PEX3: variants seen among roughly 807,000 people sequenced by gnomAD.
The protein encoded by PEX3 is peroxisomal biogenesis factor 3.
PEX3 carries 30 observed loss-of-function variants against 55.8 expected under a neutral mutation model. The observed-to-expected ratio is 0.54, with a 90% CI of 0.40 to 0.73. PEX3 has a LOEUF of 0.73. PEX3 is among the 30% of genes least tolerant of loss of function. The pLI is 0.00. For synonymous variants in PEX3, 135 were observed against 148.4 expected (o/e 0.91, Z 0.66); for missense variants, 351 against 432.8 (o/e 0.81, Z 1.68).
rs1381540653 is a variant in PEX3, at chr6:143,470,975, A to G, written c.346A>G (p.Thr116Ala). The change falls in exon 5 of 12, where the codon ACT becomes GCT. Residue 116 changes from threonine (T) to alanine (A), a missense_variant. By Grantham distance (58) the Thr-to-Ala change is moderately conservative. Transcript: ENST00000367591. ...DLKIISFTRS[T>A]VAVYSTCMLV... ...TCTCTGTGAAGGTTTCACAAGAAGT[A>G]CTGTGGCTGTATACAGTACCTGTAT... 1.9e-6 allele frequency: 3 copies of G among 1,612,826 alleles called. No individual in the cohort carries two copies. Among genetic ancestry groups the G allele is most frequent in the Admixed American group, 1.7e-5 (1 of 60,026 alleles).
Position 143,459,486 on chromosome 6 carries a change from T to G in PEX3, c.205+270T>G, listed in dbSNP as rs1449375218. ...CAAAAAGCCCCTGACCTTTGGAGTT[T>G]ATATTCTAGGGAGAGGAAAAGATGA... On this transcript the variant is annotated intron_variant, in intron 2 of 11. Coordinates refer to ENST00000367591, the MANE Select transcript of PEX3 (RefSeq NM_003630.3). The surrounding 1 kb of genome is among the most constrained non-coding windows in gnomAD (Gnocchi z 4.2). Among the ~76,000 whole-genome samples the G allele has an allele frequency of 6.6e-6, 1 of 152,206 alleles. No individual in the cohort carries two copies. The highest frequency in any genetic ancestry group is 2.4e-5 in the African/African-American group (1 of 41,450).
At chr6:143,473,784 A>AT (rs747037056) in intron 8 of PEX3, among the ~76,000 whole-genome samples, 1 of 151,974 alleles carries the variant, frequency 6.6e-6, no homozygotes, top group Non-Finnish European at 1.5e-5. Context: ...AGGAGGAAGG[A>AT]TTTTTTAAGC....
Position 143,454,058 on chromosome 6 carries a change from A to G in PEX3, c.73+2943A>G, listed in dbSNP as rs1271054323. On this transcript the variant is annotated intron_variant, in intron 1 of 11. Coordinates refer to ENST00000367591, the MANE Select transcript of PEX3 (RefSeq NM_003630.3). The surrounding 1 kb of genome is among the most constrained non-coding windows in gnomAD (Gnocchi z 4.3). ...TAAAATATTAATTCATTTTAAAATA[A>G]TAAACCTATTACATATTAACATACA... Among the ~76,000 whole-genome samples the G allele has an allele frequency of 6.6e-6, 1 of 152,232 alleles. No individual in the cohort carries two copies. Among genetic ancestry groups the G allele is most frequent in the East Asian group, 1.9e-4 (1 of 5,206 alleles).
At chr6:143,468,050 T>G in intron 3 of PEX3, 72 bp from the exon 4 acceptor site, 1 of 816,982 alleles carries the variant, frequency 1.2e-6, no homozygotes, top group Non-Finnish European at 2.0e-6. Flanking sequence ...TAAAAATAGA[T>G]CTATAAAATT....
chr6:143,464,712 G>A lies in PEX3; in HGVS notation c.287+1715G>A, dbSNP rs1779970896. Among the ~76,000 whole-genome samples the A allele has an allele frequency of 6.6e-6, 1 of 151,632 alleles. No homozygotes were observed. The highest frequency in any genetic ancestry group is 2.4e-5 in the African/African-American group (1 of 41,332). On this transcript the variant is annotated intron_variant, in intron 3 of 11. Transcript: ENST00000367591. The surrounding 1 kb of genome is among the most constrained non-coding windows in gnomAD (Gnocchi z 5.8). ...TGAAATTACTATTTGTAATTTGGTG[G>A]GGGGAGAAGGGTAATATCCATTTGA...
intron 8 of PEX3, among the ~76,000 whole-genome samples, chr6:143,474,224 C>T (rs936843893): frequency 5.3e-5 from 8 of 151,858 alleles, no homozygotes; most frequent in African/African-American, 9.7e-5. Context: ...CCGAGGCAGG[C>T]GGATCACGAG....
rs954572206 is a variant in PEX3, at chr6:143,476,144, G to C, written c.818+1288G>C. Among the ~76,000 whole-genome samples, 1 of 152,194 alleles carries C rather than the reference G, an allele frequency of 6.6e-6. No individual in the cohort carries two copies. ...TTTGAGGAGATGTCATTTGAGCAGA[G>C]ACCTGAATATACTGTGGAAGTGAAC... On this transcript the variant is annotated intron_variant, in intron 9 of 11. Coordinates refer to ENST00000367591, the MANE Select transcript of PEX3 (RefSeq NM_003630.3). The surrounding 1 kb of genome is among the most constrained non-coding windows in gnomAD (Gnocchi z 5.4).
chr6:143,473,058 A>G (rs1274166970), intron 8 of PEX3, among the ~76,000 whole-genome samples: 4 of 152,178 alleles, frequency 2.6e-5, no homozygotes. Context: ...ATTCTTTGTA[A>G]TTGGGAGAAC....
At chr6:143,455,129 T>C (rs1295437551) in intron 1 of PEX3, among the ~76,000 whole-genome samples, 1 of 151,794 alleles carries the variant, frequency 6.6e-6, no homozygotes, top group African/African-American at 2.4e-5. Context: ...AGAGTTTATG[T>C]ACTGGGGATG....
At chr6:143,457,725 A>G (rs766723377) in intron 1 of PEX3, among the ~76,000 whole-genome samples, 5 of 152,214 alleles carry the variant, frequency 3.3e-5, no homozygotes, top group Non-Finnish European at 5.9e-5. Flanking sequence ...GGCACACTTA[A>G]AAACATCTAC....
At chr6:143,474,654 G>T in intron 8 of PEX3, 132 bp from the exon 9 acceptor site, 1 of 666,436 alleles carries the variant, frequency 1.5e-6, no homozygotes, top group Admixed American at 2.3e-5. Context: ...GTGGGGGAGG[G>T]TCTAACTTTT....
chr6:143,480,492 G>A (rs1780220696), intron 10 of PEX3, among the ~76,000 whole-genome samples: 1 of 152,126 alleles, frequency 6.6e-6, no homozygotes, highest in South Asian at 2.1e-4. Flanking sequence ...CCTTGAATTG[G>A]AGTTTTATTC....
At chr6:143,481,798 GC>G (rs1401473143) in intron 10 of PEX3, among the ~76,000 whole-genome samples, 3 of 151,798 alleles carry the variant, frequency 2.0e-5, no homozygotes, top group Non-Finnish European at 4.4e-5. Flanking sequence ...CAGGAAGATT[GC>G]TTGAGGCAGG....
chr6:143,468,806 C>CA lies in PEX3; in HGVS notation c.331+641_331+642insA, dbSNP rs761458237. On this transcript the variant is annotated intron_variant, in intron 4 of 11. Coordinates refer to ENST00000367591, the MANE Select transcript of PEX3 (RefSeq NM_003630.3). ...AGGTATATCTCCTAATGCTATCCCCCCCCCCCCCACCCCACGACAGGCCCC... is the reference window on the plus strand; with the variant it reads ...AGGTATATCTCCTAATGCTATCCCCCACCCCCCCCACCCCACGACAGGCCCC... 3.8e-3 allele frequency among the ~76,000 whole-genome samples: 53 copies of CA among 14,070 alleles called. 4 individuals are homozygous for CA. The highest frequency in any genetic ancestry group is 4.9e-3 in the East Asian group (2 of 408). 9.2% of individuals were successfully genotyped at this position (14,070 alleles called of 152,430 possible). A position where few individuals can be genotyped will look rare whatever the true frequency, so the allele number is the denominator to read the frequency against.
intron 10 of PEX3, among the ~76,000 whole-genome samples, chr6:143,480,696 G>A (rs161062): frequency 0.48 from 73,664 of 151,982 alleles, 19,870 homozygotes; most frequent in African/African-American, 0.72. Context: ...ATTGTTTAAT[G>A]TGTTGTGAAA....
In PEX3 at chr6:143,479,109, A is replaced by C. The variant is rs750731442; in HGVS notation, c.852A>C (p.Leu284Phe). 1 of 1,588,616 alleles carries C rather than the reference A, an allele frequency of 6.3e-7. No homozygotes were observed. The highest frequency in any genetic ancestry group is 1.1e-5 in the South Asian group (1 of 90,478). The change falls in exon 10 of 12, where the codon TTA becomes TTC. Residue 284 changes from leucine (L) to phenylalanine (F), a missense_variant. By Grantham distance (22) the Leu-to-Phe change is conservative. Transcript: ENST00000367591. The surrounding 1 kb of genome is among the most constrained non-coding windows in gnomAD (Gnocchi z 4.6). Reference sequence around the variant, plus strand: ...TTAGTACAGTTTTGAATACCTGTTTAAACCGAGGTTTTAGTAGACTTCTAG... The same window carrying C: ...TTAGTACAGTTTTGAATACCTGTTTCAACCGAGGTTTTAGTAGACTTCTAG... The part of the protein sequence containing the change: ...PDFSTVLNTC[L>F]NRGFSRLLDN...
In PEX3 at chr6:143,474,832, A is replaced by G. The variant is rs201793456; in HGVS notation, c.794A>G (p.Asn265Ser). 118 of 1,585,640 alleles carry G rather than the reference A, an allele frequency of 7.4e-5. 1 individual carries two copies. In the South Asian group the frequency reaches 8.7e-4, roughly 12 times the overall value. The change falls in exon 9 of 12, where the codon AAT becomes AGT. Residue 265 changes from asparagine to serine, a missense_variant. Coordinates refer to ENST00000367591, the MANE Select transcript of PEX3 (RefSeq NM_003630.3). ...PRDITTIKLL[N>S]ETRDMLESPD... is the part of the protein sequence containing the mutation. ...GACATTACCACTATTAAACTTCTCA[A>G]TGAAACTAGAGACATGTTGGAAAGG...
rs763532592 is a variant in PEX3, at chr6:143,485,240, T to C, written c.1030T>C (p.Phe344Leu). ...HSVCSETPSH[F>L]VQDLLTMEQV... ...AGTTTGCAGTGAAACACCTAGTCAT[T>C]TTGTTCAGGTAAGAAGAAAGCTTGG... The change falls in exon 11 of 12, where the codon TTT becomes CTT. Residue 344 changes from phenylalanine (F) to leucine (L), a missense_variant. Physicochemically the swap from Phe to Leu is conservative, Grantham distance 22. Transcript: ENST00000367591. This position sits in a 1 kb window ranked among gnomAD's most constrained non-coding sequence, Gnocchi z 5.6. 6.4e-7 allele frequency: 1 copy of C among 1,554,552 alleles called. No homozygotes were observed. The highest frequency in any genetic ancestry group is 8.9e-7 in the Non-Finnish European group (1 of 1,126,080).
In PEX3 at chr6:143,489,203, A is replaced by G. The variant is rs1187190778; in HGVS notation, c.1099A>G (p.Thr367Ala). ...FAANVYEAFS[T>A]PQQLEK Reference sequence around the variant, plus strand: ...TGCTAATGTGTATGAAGCTTTTAGTACCCCTCAGCAACTGGAGAAATGATT... The same window carrying G: ...TGCTAATGTGTATGAAGCTTTTAGTGCCCCTCAGCAACTGGAGAAATGATT... Residue 367 changes from threonine to alanine, a missense_variant, in exon 12 of 12, where the codon ACC becomes GCC. Coordinates refer to ENST00000367591, the MANE Select transcript of PEX3 (RefSeq NM_003630.3). This position sits in a 1 kb window ranked among gnomAD's most constrained non-coding sequence, Gnocchi z 5.5. 6.2e-7 allele frequency: 1 copy of G among 1,602,204 alleles called. No homozygotes were observed. The highest frequency in any genetic ancestry group is 1.1e-5 in the South Asian group (1 of 90,824).
Sources: gnomAD v4.1 joint callset for allele counts (sites outside exome capture counted in the v4.1 genomes callset) on GRCh38, gnomAD v4.1.1 for gene constraint, Gnocchi (gnomAD v3.1) non-coding constraint, MANE v1.5 for transcripts, NCBI Gene and HGNC (gene_info 2026-07-23, HGNC 2026-07-21) for gene names.